Variants in PKHD1 observed in about 807,000 individuals in gnomAD.
The protein encoded by PKHD1 is PKHD1 ciliary IPT domain containing fibrocystin/polyductin.
In PKHD1, 291 loss-of-function variants were observed where a neutral mutation model predicts 412.0. The observed-to-expected ratio is 0.71, with a 90% CI of 0.64 to 0.78. PKHD1 has a LOEUF of 0.78. Among genes scored for constraint, PKHD1 ranks in the 30% least tolerant of loss-of-function variants. The probability of loss-of-function intolerance (pLI) is 0.00; values close to 1 mark genes in which losing one functional copy is unlikely to be tolerated. For synonymous variants in PKHD1, 1,777 were observed against 1,821.5 expected, an observed-to-expected ratio of 0.98 and a Z score of 0.62; for missense variants, 4,825 against 4,950.7, an observed-to-expected ratio of 0.97 and a Z score of 0.76.
At position 51,868,110 on chromosome 6, in the gene PKHD1, C is replaced by A; in HGVS notation, c.7487-1G>T. 6.2e-7 allele frequency: 1 copy of A among 1,610,448 alleles called. No homozygotes were observed. The stretch of plus-strand genomic sequence containing the variant: ...TGGCTGGTCTTCACAGTAAATCCAC[C>A]TATAAATTGGAAAACAGAAAGATTA... On this transcript the variant is annotated splice_acceptor_variant, in intron 47 of 66. Transcript: ENST00000371117. LOFTEE classifies it high-confidence loss of function.
chr6:51,917,987 G>C (rs1784091979), intron 37 of PKHD1, among the ~76,000 whole-genome samples: 2 of 152,098 alleles, frequency 1.3e-5, no homozygotes, highest in South Asian at 4.2e-4. Flanking sequence ...CTGTATGTTG[G>C]GGAAAATGAG....
chr6:52,066,055 T>C lies in PKHD1; in HGVS notation c.801A>G (p.Glu267=), dbSNP rs780843150. 6.3e-7 allele frequency: 1 copy of C among 1,592,958 alleles called. No homozygotes were observed. The highest frequency in any genetic ancestry group is 1.1e-5 in the South Asian group (1 of 90,540). The change falls in exon 12 of 67, where the codon GAA becomes GAG. Residue 267 remains glutamate, a synonymous_variant. Transcript: ENST00000371117. ...TTGTTCTTCCCCCAAGGCTCCCAGT[T>C]TCTGGAAACACAGATAATATTTCTG... is the stretch of plus-strand genomic sequence containing the variant. ...THSEILSVFP[E]TGSLGGRTNI... is the part of the protein sequence containing the mutation.
In PKHD1 at chr6:51,886,295, C is replaced by T. The variant is rs553686874; in HGVS notation, c.7110-323G>A. On this transcript the variant is annotated intron_variant, in intron 44 of 66. Transcript: ENST00000371117. ...ACAAAAGGTACATTCTGTCCTTCTGCCTTTTCATGTGACTCTCTTCTCTTT... is the reference window on the plus strand; with the variant it reads ...ACAAAAGGTACATTCTGTCCTTCTGTCTTTTCATGTGACTCTCTTCTCTTT... Among the ~76,000 whole-genome samples, 30 of 152,270 alleles carry T rather than the reference C, an allele frequency of 2.0e-4. No homozygotes were observed. The South Asian group carries it at 6.2e-3, about 32-fold the overall frequency.
intron 55 of PKHD1, among the ~76,000 whole-genome samples, chr6:51,755,279 A>G (rs111792664): frequency 5.8e-4 from 88 of 152,334 alleles, no homozygotes; most frequent in African/African-American, 2.0e-3. Flanking sequence ...AGATTCAATA[A>G]TAACAGCATT....
intron 3 of PKHD1, 61 bp downstream of exon 3, chr6:52,083,117 T>C (rs528085615): frequency 2.7e-6 from 3 of 1,108,310 alleles, no homozygotes; most frequent in African/African-American, 1.5e-5. Context: ...CAAAGACTCA[T>C]AGTCTTTAGG....
chr6:52,080,279 A>C (rs1282921595), intron 4 of PKHD1, among the ~76,000 whole-genome samples: 1 of 152,168 alleles, frequency 6.6e-6, no homozygotes. Context: ...GGTTCATTGG[A>C]CTTTAAGAAT....
chr6:51,933,271 GC>G (rs1786934677), intron 37 of PKHD1, among the ~76,000 whole-genome samples: 1 of 152,184 alleles, frequency 6.6e-6, no homozygotes, highest in Non-Finnish European at 1.5e-5. Flanking sequence ...TGATCAGAAA[GC>G]AAATAAAGTT....
chr6:51,872,903 A>C (rs1208924547), intron 46 of PKHD1, among the ~76,000 whole-genome samples: 73 of 132,336 alleles, frequency 5.5e-4, no homozygotes, highest in African/African-American at 2.0e-3. Context: ...TTTTTTTCAG[A>C]AAGTTACCTT....
intron 55 of PKHD1, among the ~76,000 whole-genome samples, chr6:51,771,393 G>A (rs148048714): frequency 5.3e-5 from 8 of 152,112 alleles, no homozygotes; most frequent in Non-Finnish European, 8.8e-5. Flanking sequence ...AGGCCAAGAC[G>A]GGTGGATCAC....
At position 51,744,523 on chromosome 6, in the gene PKHD1, C is replaced by G. The variant is rs772133642; in HGVS notation, c.10018G>C (p.Val3340Leu). The G allele has an allele frequency of 9.3e-6, 15 of 1,612,942 alleles. No individual in the cohort carries two copies. Among genetic ancestry groups the G allele is most frequent in the Non-Finnish European group, 1.2e-5 (14 of 1,179,090 alleles). ...LQPRKDLGKV[V>L]CPELDCASPR... is the part of the protein sequence containing the mutation. ...CTTGCACAGTCTAATTCAGGACAGA[C>G]TACTTTTCCTAAATCTTTCCTGTGA... Residue 3340 changes from valine to leucine, a missense_variant, in exon 60 of 67, where the codon GTC becomes CTC. Val to Leu is a conservative substitution (Grantham distance 32). Transcript: ENST00000371117.
rs747597349 is a variant in PKHD1, at chr6:52,027,860, G to A, written c.3597C>T (p.Phe1199=). The change falls in exon 31 of 67, where the codon TTC becomes TTT. Residue 1199 remains phenylalanine, a synonymous_variant. Coordinates refer to ENST00000371117, the MANE Select transcript of PKHD1 (RefSeq NM_138694.4). ...GGGACCCACAGCAAGGCTCGATGCT[G>A]AAAACTTCTGTGAGGTACTGGATGT... The part of the protein sequence containing the change: ...DLHIQYLTEV[F]SIEPCCGSLL... 4.3e-6 allele frequency: 7 copies of A among 1,613,708 alleles called. No homozygotes were observed. In the South Asian group the frequency reaches 7.7e-5, roughly 18 times the overall value.
intron 36 of PKHD1, among the ~76,000 whole-genome samples, chr6:51,940,438 C>T (rs1424273427): frequency 6.6e-6 from 1 of 151,664 alleles, no homozygotes; most frequent in Non-Finnish European, 1.5e-5. Context: ...AGAACCTCCT[C>T]CCCCAGGAGC....
chr6:51,790,239 C>G (rs1267752737), intron 53 of PKHD1, among the ~76,000 whole-genome samples: 1 of 152,128 alleles, frequency 6.6e-6, no homozygotes, highest in Non-Finnish European at 1.5e-5. Flanking sequence ...AAGTAAAATG[C>G]CTTACTAAAG....
At chr6:51,673,009 C>G (rs373991352) in intron 60 of PKHD1, among the ~76,000 whole-genome samples, 1 of 152,254 alleles carries the variant, frequency 6.6e-6, no homozygotes, top group East Asian at 1.9e-4. Flanking sequence ...TACTGAAGAC[C>G]TTCTCTGTGT....
chr6:52,067,389 A>G (rs1809897739), intron 11 of PKHD1, among the ~76,000 whole-genome samples: 1 of 152,214 alleles, frequency 6.6e-6, no homozygotes, highest in African/African-American at 2.4e-5. Flanking sequence ...AACTTTTAAC[A>G]TAGTTGTAGA....
chr6:51,772,810 A>G, intron 54 of PKHD1, 21 bp from the exon 55 acceptor site: 1 of 1,335,958 alleles, frequency 7.5e-7, no homozygotes, highest in Admixed American at 1.7e-5. Context: ...AAGGAGTAAC[A>G]GTTGGATAGA....
rs1333885009 is a variant in PKHD1 at position 51,981,363 on chromosome 6, C to A, written c.5752-21337G>T. ...TCCCTCTCCCTCTCCCTCTCCCTCT[C>A]CCTCTCCCTCCACGGTCTCCCTCTG... On this transcript the variant is annotated intron_variant, in intron 35 of 66. Transcript: ENST00000371117. Among the ~76,000 whole-genome samples, 98 of 121,110 alleles carry A rather than the reference C, an allele frequency of 8.1e-4. 2 individuals carry two copies. The highest frequency in any genetic ancestry group is 2.8e-3 in the African/African-American group (96 of 33,878). 79.5% of individuals were successfully genotyped at this position (121,110 alleles called of 152,430 possible).
At chr6:51,759,679 T>C (rs962168727) in intron 55 of PKHD1, among the ~76,000 whole-genome samples, 2 of 152,118 alleles carry the variant, frequency 1.3e-5, no homozygotes, top group African/African-American at 4.8e-5. Flanking sequence ...ATTGCCACAA[T>C]AGCTGCCCTG....
At chr6:51,692,289 A>ACACACACACACACC (rs1366295251) in intron 60 of PKHD1, among the ~76,000 whole-genome samples, 3 of 151,036 alleles carry the variant, frequency 2.0e-5, no homozygotes, top group African/African-American at 7.3e-5. Flanking sequence ...ACACACACAC[A>ACACACACACACACC]CCACTGAGTT....
Sources: gnomAD v4.1 joint callset for allele counts (sites outside exome capture counted in the v4.1 genomes callset) on GRCh38, gnomAD v4.1.1 for gene constraint, MANE v1.5 for transcripts, NCBI Gene and HGNC (gene_info 2026-07-23, HGNC 2026-07-21) for gene names.